MYT1L: variants seen among roughly 807,000 people sequenced by gnomAD.
MYT1L encodes myelin transcription factor 1 like.
MYT1L carries 12 observed loss-of-function variants against 126.7 expected under a neutral mutation model. The ratio of observed to expected loss-of-function variants is 0.09; its 90% confidence interval spans 0.06 to 0.15. The LOEUF (loss-of-function observed/expected upper bound fraction) is 0.15, where lower values mean the gene tolerates loss of function less well. Ranked by LOEUF, MYT1L falls within the 10% of genes least tolerant of loss-of-function variation. The probability of loss-of-function intolerance (pLI) is 1.00; values close to 1 mark genes in which losing one functional copy is unlikely to be tolerated. For missense variants in MYT1L, 979 were observed against 1,585.2 expected, an observed-to-expected ratio of 0.62 and a Z score of 6.49; for synonymous variants, 541 against 604.2, an observed-to-expected ratio of 0.90 and a Z score of 1.53.
intron 8 of MYT1L, among the ~76,000 whole-genome samples, chr2:1,963,407 A>G (rs999343366): frequency 6.6e-6 from 1 of 152,224 alleles, no homozygotes; most frequent in Non-Finnish European, 1.5e-5. Flanking sequence ...AATGTAAATG[A>G]GCATAAGCTT....
chr2:1,816,519 C>G (rs2037673257), intron 21 of MYT1L: 1 of 152,882 alleles, frequency 6.5e-6, no homozygotes, highest in African/African-American at 2.4e-5. Flanking sequence ...GCAGAGAAAC[C>G]AGCCTAACGG....
intron 1 of MYT1L, among the ~76,000 whole-genome samples, chr2:2,310,892 TCTTTCAGCAGA>T (rs2095957081): frequency 6.6e-6 from 1 of 152,134 alleles, no homozygotes; most frequent in African/African-American, 2.4e-5. Context: ...TCCATAAATA[TCTTTCAGCAGA>T]AAGAGGGCTC....
intron 9 of MYT1L, among the ~76,000 whole-genome samples, chr2:1,925,802 C>G (rs2054156025): frequency 6.6e-6 from 1 of 152,206 alleles, no homozygotes; most frequent in Non-Finnish European, 1.5e-5. Context: ...CCCATCATGA[C>G]TTGGCTGCTT....
At chr2:1,896,027 G>T (rs1000575587) in intron 14 of MYT1L, among the ~76,000 whole-genome samples, 2 of 152,168 alleles carry the variant, frequency 1.3e-5, no homozygotes, top group African/African-American at 4.8e-5. Flanking sequence ...AATGGGCAAA[G>T]AACATGAACA....
chr2:1,903,428 CT>C (rs1245437961), intron 13 of MYT1L, 134 bp from the exon 14 acceptor site: 2 of 697,872 alleles, frequency 2.9e-6, no homozygotes, highest in Admixed American at 6.0e-5. Context: ...AAAACTACAA[CT>C]TTTTTATTTT....
At chr2:2,313,114 ATATCGTGTATTCAC>A (rs1304807659) in intron 1 of MYT1L, among the ~76,000 whole-genome samples, 1 of 152,248 alleles carries the variant, frequency 6.6e-6, no homozygotes, top group Non-Finnish European at 1.5e-5. Flanking sequence ...TGAAGGATTC[ATATCGTGTATTCAC>A]TACCTTCAAT....
intron 1 of MYT1L, among the ~76,000 whole-genome samples, chr2:2,309,819 C>T (rs1474256847): frequency 1.3e-5 from 2 of 150,896 alleles, no homozygotes; most frequent in Non-Finnish European, 3.0e-5. Flanking sequence ...TGCACTTCGG[C>T]ATACTCTATA....
intron 1 of MYT1L, among the ~76,000 whole-genome samples, chr2:2,320,816 C>A (rs1037096569): frequency 9.8e-5 from 15 of 152,292 alleles, no homozygotes; most frequent in Admixed American, 9.8e-4. Flanking sequence ...TCACAGGAAG[C>A]CACAATCAGC....
chr2:2,073,615 C>T (rs921486002), intron 3 of MYT1L, among the ~76,000 whole-genome samples: 6 of 152,136 alleles, frequency 3.9e-5, no homozygotes, highest in Admixed American at 2.0e-4. Flanking sequence ...CCAAGTTTCT[C>T]GTCGTGTGAC....
chr2:1,901,578 A>C (rs917842336), intron 14 of MYT1L, among the ~76,000 whole-genome samples: 3 of 152,222 alleles, frequency 2.0e-5, no homozygotes, highest in African/African-American at 7.2e-5. Flanking sequence ...TATACAAATA[A>C]ATTATTATTA....
chr2:2,177,587 T>G (rs1250805778), intron 2 of MYT1L, among the ~76,000 whole-genome samples: 1 of 152,090 alleles, frequency 6.6e-6, no homozygotes, highest in Admixed American at 6.6e-5. Context: ...GACTCACAGC[T>G]CCACATGGCT....
chr2:2,101,959 C>T (rs142996787), intron 3 of MYT1L, among the ~76,000 whole-genome samples: 93 of 152,322 alleles, frequency 6.1e-4, no homozygotes, highest in Middle Eastern at 3.4e-3. Flanking sequence ...TTCTCCATTC[C>T]AAACACTTCA....
intron 1 of MYT1L, among the ~76,000 whole-genome samples, chr2:2,323,532 C>G (rs2096205177): frequency 6.6e-6 from 1 of 152,090 alleles, no homozygotes; most frequent in South Asian, 2.1e-4. Flanking sequence ...TGAATTCCTA[C>G]CATGGAAGTA....
chr2:2,169,831 T>G (rs2089751300), intron 3 of MYT1L, among the ~76,000 whole-genome samples: 1 of 152,154 alleles, frequency 6.6e-6, no homozygotes, highest in Non-Finnish European at 1.5e-5. Context: ...TGCGCGGTTT[T>G]ATGGACAGAA....
chr2:2,237,872 C>G (rs1353727301), intron 2 of MYT1L, among the ~76,000 whole-genome samples: 2 of 152,136 alleles, frequency 1.3e-5, no homozygotes, highest in Non-Finnish European at 2.9e-5. Context: ...ACAGAGGCAA[C>G]CTGGGACAGC....
At chr2:2,022,876 C>T (rs1016983926) in intron 4 of MYT1L, among the ~76,000 whole-genome samples, 7 of 152,288 alleles carry the variant, frequency 4.6e-5, no homozygotes, top group African/African-American at 1.2e-4. Context: ...CTGGCGGAGG[C>T]GTTTCATCTT....
chr2:2,031,173 C>T (rs1035958510), intron 4 of MYT1L, among the ~76,000 whole-genome samples: 18 of 152,222 alleles, frequency 1.2e-4, no homozygotes, highest in African/African-American at 4.3e-4. Flanking sequence ...ATTCAGGGCA[C>T]CTTGGATGCT....
At chr2:2,166,218 C>G (rs1484393498) in intron 3 of MYT1L, among the ~76,000 whole-genome samples, 1 of 152,118 alleles carries the variant, frequency 6.6e-6, no homozygotes, top group Non-Finnish European at 1.5e-5. Flanking sequence ...CCGTTATAAA[C>G]TCATGAACCA....
chr2:2,329,392 C>T (rs530640367), intron 1 of MYT1L, among the ~76,000 whole-genome samples: 15 of 151,980 alleles, frequency 9.9e-5, no homozygotes, highest in Non-Finnish European at 1.8e-4. Flanking sequence ...AATCTGAAGA[C>T]TATATGTACA....
Sources: gnomAD v4.1 joint callset for allele counts (sites outside exome capture counted in the v4.1 genomes callset) on GRCh38, gnomAD v4.1.1 for gene constraint, MANE v1.5 for transcripts, NCBI Gene and HGNC (gene_info 2026-07-23, HGNC 2026-07-21) for gene names.